Variants in ZBTB20 observed in about 807,000 individuals in gnomAD.
ZBTB20 encodes the protein zinc finger and BTB domain-containing protein 20.
In ZBTB20, 9 loss-of-function variants were observed where a neutral mutation model predicts 56.9. That is an observed-to-expected ratio of 0.16 (90% CI 0.10 to 0.28). The LOEUF (loss-of-function observed/expected upper bound fraction) is 0.28, where lower values mean the gene tolerates loss of function less well. ZBTB20 is among the 10% of genes least tolerant of loss of function. The pLI is 1.00. For missense variants in ZBTB20, 655 were observed against 1,003.0 expected (o/e 0.65, Z 4.69); for synonymous variants, 417 against 420.7 (o/e 0.99, Z 0.11).
chr3:114,601,669 A>C (rs1041897725), intron 6 of ZBTB20, among the ~76,000 whole-genome samples: 1 of 152,012 alleles, frequency 6.6e-6, no homozygotes, highest in Non-Finnish European at 1.5e-5. Flanking sequence ...AGAAATGGCT[A>C]AGGAAGAAGA....
intron 2 of ZBTB20, among the ~76,000 whole-genome samples, chr3:115,034,560 T>C (rs1039446148): frequency 6.6e-6 from 1 of 151,854 alleles, no homozygotes; most frequent in Non-Finnish European, 1.5e-5. Flanking sequence ...ATAAAATCTA[T>C]AAAACTTTTC....
At chr3:115,028,814 A>G (rs1039888221) in intron 2 of ZBTB20, among the ~76,000 whole-genome samples, 11 of 150,786 alleles carry the variant, frequency 7.3e-5, no homozygotes, top group Admixed American at 2.7e-4. Context: ...ATAAACTATG[A>G]TGAAACTCTT....
chr3:115,137,204 A>G (rs778815276), intron 1 of ZBTB20, among the ~76,000 whole-genome samples: 40 of 152,094 alleles, frequency 2.6e-4, no homozygotes, highest in Non-Finnish European at 5.6e-4. Context: ...TGGTATAGCA[A>G]TTTCATTATT....
At chr3:114,347,508 G>A (rs1186681462) in intron 11 of ZBTB20, among the ~76,000 whole-genome samples, 2 of 151,968 alleles carry the variant, frequency 1.3e-5, no homozygotes, top group South Asian at 2.1e-4. Flanking sequence ...CACTTCCACT[G>A]GGCTCTTGGA....
intron 2 of ZBTB20, among the ~76,000 whole-genome samples, chr3:115,037,802 A>T (rs1224628796): frequency 6.6e-6 from 1 of 152,210 alleles, no homozygotes; most frequent in Non-Finnish European, 1.5e-5. Flanking sequence ...TGATAGGTGA[A>T]GATGAGCACA....
At position 114,315,603 on chromosome 3, in the gene ZBTB20, G is replaced by GTGTGTGTA. The variant is rs1044657042; in HGVS notation, c.*23401_*23402insTACACACA. ...TGTGTGTGTGTGTGTGTGTGTGTGT[G>GTGTGTGTA]TGTACACAGTAGCAATTGCAAAAAA... On this transcript the variant is annotated 3_prime_UTR_variant, in exon 12 of 12. Transcript: ENST00000675478. 6.3e-3 allele frequency: 966 copies of GTGTGTGTA among 152,146 alleles called. 11 individuals carry two copies. Among genetic ancestry groups the GTGTGTGTA allele is most frequent in the African/African-American group, 0.022 (895 of 40,706 alleles). 9.4% of individuals were successfully genotyped at this position (152,146 alleles called of 1,614,324 possible). A position where few individuals can be genotyped will look rare whatever the true frequency, so the allele number is the denominator to read the frequency against.
At position 114,336,531 on chromosome 3, in the gene ZBTB20, C is replaced by A. The variant is rs1468910646; in HGVS notation, c.*2474G>T. On this transcript the variant is annotated 3_prime_UTR_variant, in exon 12 of 12. Transcript: ENST00000675478. Reference sequence around the variant, plus strand: ...CCCAAGTTTACATTAAAACTTCTAGCAAAATATCCACTGAATTAAGCACTG... The same window carrying A: ...CCCAAGTTTACATTAAAACTTCTAGAAAAATATCCACTGAATTAAGCACTG... 6.6e-6 allele frequency: 1 copy of A among 152,128 alleles called. No homozygotes were observed. Among genetic ancestry groups the A allele is most frequent in the Non-Finnish European group, 1.5e-5 (1 of 68,002 alleles). The allele number at this position is 152,128 out of a possible 1,614,324, so 9.4% of individuals were successfully genotyped here. A position where few individuals can be genotyped will look rare whatever the true frequency, so the allele number is the denominator to read the frequency against.
At chr3:114,476,780 G>A (rs1280109818) in intron 7 of ZBTB20, among the ~76,000 whole-genome samples, 1 of 152,198 alleles carries the variant, frequency 6.6e-6, no homozygotes, top group African/African-American at 2.4e-5. Flanking sequence ...AACTTTTGGA[G>A]ACACAGTCAA....
intron 7 of ZBTB20, among the ~76,000 whole-genome samples, chr3:114,455,114 G>GA (rs901965266): frequency 3.3e-5 from 5 of 150,912 alleles, no homozygotes; most frequent in Middle Eastern, 3.2e-3. Flanking sequence ...GAGTGTGTGA[G>GA]AAAAAGACTG....
chr3:115,052,233 C>A (rs1208338693), intron 2 of ZBTB20, among the ~76,000 whole-genome samples: 1 of 151,880 alleles, frequency 6.6e-6, no homozygotes, highest in East Asian at 1.9e-4. Context: ...TGGAGGCGGG[C>A]AGATCACAAG....
At chr3:114,552,913 C>G (rs547875922) in intron 6 of ZBTB20, among the ~76,000 whole-genome samples, 30 of 152,258 alleles carry the variant, frequency 2.0e-4, no homozygotes, top group African/African-American at 5.8e-4. Flanking sequence ...TTATTGTTTT[C>G]AATCATTCTA....
At chr3:114,578,149 A>T (rs1456767903) in intron 6 of ZBTB20, among the ~76,000 whole-genome samples, 1 of 152,152 alleles carries the variant, frequency 6.6e-6, no homozygotes, top group African/African-American at 2.4e-5. Flanking sequence ...CTTAATCAGA[A>T]ATCTTAAAAA....
chr3:115,053,440 A>G (rs987295394), intron 2 of ZBTB20, among the ~76,000 whole-genome samples: 4 of 152,218 alleles, frequency 2.6e-5, no homozygotes, highest in African/African-American at 9.6e-5. Context: ...CATCCTGAGA[A>G]GTAAACAGGG....
At position 114,491,654 on chromosome 3, in the gene ZBTB20, T is replaced by A. The variant is rs183637446; in HGVS notation, c.-255+8698A>T. On this transcript the variant is annotated intron_variant, in intron 7 of 11. Transcript: ENST00000675478. ...TCTTATACTGCCAGTCATCCTATGCTCTTCTCTCTTCTGCACATTGGATCT... is the reference window on the plus strand; with the variant it reads ...TCTTATACTGCCAGTCATCCTATGCACTTCTCTCTTCTGCACATTGGATCT... Among the ~76,000 whole-genome samples the A allele has an allele frequency of 1.3e-4, 20 of 152,290 alleles. No individual in the cohort carries two copies. The East Asian group carries it at 3.9e-3, about 29-fold the overall frequency.
In ZBTB20 at chr3:114,380,452, G is replaced by A. The variant is rs2084179051; in HGVS notation, c.12-48C>T. ...TTGAAGGAACTGACTGCATATTTGG[G>A]AAAAGGCATTTTTAGAATCTGTTAA... On this transcript the variant is annotated intron_variant, in intron 9 of 11. Transcript: ENST00000675478. 2.7e-6 allele frequency: 4 copies of A among 1,459,572 alleles called. No homozygotes were observed. The East Asian group carries it at 1.0e-4, about 36-fold the overall frequency. The allele number at this position is 1,459,572 out of a possible 1,614,324, so 90.4% of individuals were successfully genotyped here. A position where few individuals can be genotyped will look rare whatever the true frequency, so the allele number is the denominator to read the frequency against.
intron 2 of ZBTB20, among the ~76,000 whole-genome samples, chr3:115,029,072 TAC>T (rs142153965): frequency 4.1e-5 from 6 of 146,660 alleles, no homozygotes; most frequent in Non-Finnish European, 6.1e-5. Context: ...CACACACACA[TAC>T]ACACACACAC....
At chr3:115,049,908 T>G (rs2081479713) in intron 2 of ZBTB20, among the ~76,000 whole-genome samples, 1 of 152,160 alleles carries the variant, frequency 6.6e-6, no homozygotes, top group Admixed American at 6.5e-5. Context: ...CAAGTTTAGT[T>G]TTTATTTCTG....
At position 114,542,681 on chromosome 3, in the gene ZBTB20, C is replaced by T. The variant is rs140735130; in HGVS notation, c.-294-42290G>A. Among the ~76,000 whole-genome samples the T allele has an allele frequency of 1.7e-3, 266 of 152,282 alleles. 1 individual carries two copies. The highest frequency in any genetic ancestry group is 6.1e-3 in the African/African-American group (255 of 41,560). On this transcript the variant is annotated intron_variant, in intron 6 of 11. Transcript: ENST00000675478. ...GTAATCTCATTTGAGGTCTAGCAGA[C>T]TGCTACACAAAAGATACATGTGTTC... is the stretch of plus-strand genomic sequence containing the variant.
chr3:114,355,340 G>A (rs895924859), intron 10 of ZBTB20, among the ~76,000 whole-genome samples: 2 of 151,744 alleles, frequency 1.3e-5, no homozygotes, highest in South Asian at 2.1e-4. Context: ...ACCTGCACAC[G>A]TACACAACCT....
Sources: gnomAD v4.1 joint callset for allele counts (sites outside exome capture counted in the v4.1 genomes callset) on GRCh38, gnomAD v4.1.1 for gene constraint, MANE v1.5 for transcripts, NCBI Gene and HGNC (gene_info 2026-07-23, HGNC 2026-07-21) for gene names.